The following PRKN variants were observed in gnomAD, a reference collection of about 807,000 sequenced individuals.
PRKN encodes the protein E3 ubiquitin-protein ligase parkin.
PRKN carries 56 observed loss-of-function variants against 59.5 expected under a neutral mutation model. The ratio of observed to expected loss-of-function variants is 0.94; its 90% CI spans 0.76 to 1.18. PRKN has a LOEUF of 1.18. Ranked by LOEUF, PRKN falls within the 50% of genes most tolerant of loss-of-function variation. The probability of loss-of-function intolerance (pLI) is 0.00; values close to 1 mark genes in which losing one functional copy is unlikely to be tolerated. For synonymous variants in PRKN, 250 were observed against 222.1 expected, an observed-to-expected ratio of 1.13 and a Z score of -1.12; for missense variants, 657 against 596.4, an observed-to-expected ratio of 1.10 and a Z score of -1.06.
chr6:162,066,657 A>G (rs1778352258), intron 4 of PRKN, among the ~76,000 whole-genome samples: 1 of 152,188 alleles, frequency 6.6e-6, no homozygotes, highest in Non-Finnish European at 1.5e-5. Context: ...TCAAGGTGCT[A>G]TCTTAGAAGC....
intron 1 of PRKN, among the ~76,000 whole-genome samples, chr6:162,446,740 A>T (rs1790334269): frequency 6.6e-6 from 1 of 152,192 alleles, no homozygotes; most frequent in Non-Finnish European, 1.5e-5. Flanking sequence ...TTATGTGAAA[A>T]ATGGCTAGTG....
intron 2 of PRKN, among the ~76,000 whole-genome samples, chr6:162,360,161 T>A (rs1785072788): frequency 6.6e-6 from 1 of 152,094 alleles, no homozygotes; most frequent in Admixed American, 6.6e-5. Flanking sequence ...GAAAAATTTG[T>A]TTCCTCTGTC....
At chr6:161,943,063 A>G (rs997124024) in intron 6 of PRKN, among the ~76,000 whole-genome samples, 1 of 152,220 alleles carries the variant, frequency 6.6e-6, no homozygotes, top group Non-Finnish European at 1.5e-5. Context: ...AATGATATCA[A>G]ACTTTTTTAA....
intron 3 of PRKN, among the ~76,000 whole-genome samples, chr6:162,236,735 C>T (rs1778739958): frequency 6.6e-6 from 1 of 151,730 alleles, no homozygotes; most frequent in Non-Finnish European, 1.5e-5. Context: ...GCAGAGGTTG[C>T]AGTGAGCCGA....
intron 7 of PRKN, among the ~76,000 whole-genome samples, chr6:161,754,482 G>A (rs1788828794): frequency 6.6e-6 from 1 of 152,108 alleles, no homozygotes; most frequent in Non-Finnish European, 1.5e-5. Context: ...CCATGAGGTG[G>A]GTGCTTGTGG....
chr6:161,465,613 G>A (rs1170414379), intron 9 of PRKN, among the ~76,000 whole-genome samples: 1 of 152,016 alleles, frequency 6.6e-6, no homozygotes, highest in Admixed American at 6.6e-5. Flanking sequence ...TCCATACAAT[G>A]AGGTTCCCTC....
chr6:162,352,979 A>T (rs1336681997), intron 2 of PRKN, among the ~76,000 whole-genome samples: 1 of 152,220 alleles, frequency 6.6e-6, no homozygotes, highest in Non-Finnish European at 1.5e-5. Context: ...CCTAATGAGT[A>T]AACAGAAATA....
intron 1 of PRKN, among the ~76,000 whole-genome samples, chr6:162,629,210 T>TA (rs1783009211): frequency 6.6e-6 from 1 of 152,134 alleles, no homozygotes; most frequent in Non-Finnish European, 1.5e-5. Flanking sequence ...TTTTAGTTAT[T>TA]TATAGACTAG....
intron 6 of PRKN, among the ~76,000 whole-genome samples, chr6:161,802,143 G>A (rs192824325): frequency 2.0e-4 from 30 of 152,230 alleles, no homozygotes; most frequent in African/African-American, 7.0e-4. Flanking sequence ...TGGAGGAAGA[G>A]TCATTATTCT....
At chr6:162,433,891 A>G (rs1370809205) in intron 2 of PRKN, among the ~76,000 whole-genome samples, 2 of 152,174 alleles carry the variant, frequency 1.3e-5, no homozygotes, top group Non-Finnish European at 2.9e-5. Context: ...CAAAACACAA[A>G]CATCAGTGGG....
chr6:162,684,167 C>T (rs1779878303), intron 1 of PRKN, among the ~76,000 whole-genome samples: 2 of 152,214 alleles, frequency 1.3e-5, no homozygotes, highest in South Asian at 2.1e-4. Context: ...TCATTTCAAA[C>T]ATGCAGGCTG....
rs149379304 is a variant in PRKN, at chr6:162,201,225, T to A, written c.440A>T (p.Tyr147Phe). 13 of 1,613,764 alleles carry A rather than the reference T, an allele frequency of 8.1e-6. No individual in the cohort carries two copies. Among genetic ancestry groups the A allele is most frequent in the Non-Finnish European group, 1.1e-5 (13 of 1,179,832 alleles). Reference sequence around the variant, plus strand: ...TTGACAGGGGCCTTTGCAATACACATAAAAGCTGTTGTAGATTGATCTACC... The same window carrying A: ...TTGACAGGGGCCTTTGCAATACACAAAAAAGCTGTTGTAGATTGATCTACC... ...PAGRSIYNSF[Y>F]VYCKGPCQRV... The change falls in exon 4 of 12, where the codon TAT (tyrosine) becomes TTT (phenylalanine). Residue 147 changes from tyrosine (Y) to phenylalanine (F), a missense_variant. Transcript: ENST00000366898.
At chr6:161,947,913 A>G (rs879872126) in intron 6 of PRKN, among the ~76,000 whole-genome samples, 1 of 151,360 alleles carries the variant, frequency 6.6e-6, no homozygotes, top group Admixed American at 6.6e-5. Flanking sequence ...CTCTGAAAGC[A>G]TATTTCAGGC....
intron 5 of PRKN, among the ~76,000 whole-genome samples, chr6:162,040,509 G>T (rs146531035): frequency 6.6e-6 from 1 of 150,390 alleles, no homozygotes; most frequent in Non-Finnish European, 1.5e-5. Flanking sequence ...AGGTTCAAGC[G>T]ATTCTTGTGC....
chr6:161,500,194 C>T (rs2115299667), intron 9 of PRKN, among the ~76,000 whole-genome samples: 1 of 152,308 alleles, frequency 6.6e-6, no homozygotes. Context: ...CAAAATTGAG[C>T]AGAGTACAGA....
At chr6:161,819,764 ATC>A (rs1180790170) in intron 6 of PRKN, among the ~76,000 whole-genome samples, 2 of 152,200 alleles carry the variant, frequency 1.3e-5, no homozygotes, top group African/African-American at 4.8e-5. Context: ...TTTAAAGCGA[ATC>A]TCAAAGAAAA....
chr6:161,994,467 C>G (rs1196488959), intron 5 of PRKN, among the ~76,000 whole-genome samples: 4 of 151,954 alleles, frequency 2.6e-5, no homozygotes, highest in Non-Finnish European at 1.5e-5. Context: ...ACTGAAAGTA[C>G]TAGCCAAGTC....
At chr6:162,110,075 T>C (rs2128301939) in intron 4 of PRKN, among the ~76,000 whole-genome samples, 1 of 152,312 alleles carries the variant, frequency 6.6e-6, no homozygotes, top group African/African-American at 2.4e-5. Context: ...TTTTAGTCAA[T>C]TTCAAAATTC....
At chr6:162,578,628 ACT>A (rs1359366539) in intron 1 of PRKN, among the ~76,000 whole-genome samples, 1 of 152,076 alleles carries the variant, frequency 6.6e-6, no homozygotes, top group African/African-American at 2.4e-5. Flanking sequence ...CTGATCACAC[ACT>A]CTATTTGTTC....
Sources: gnomAD v4.1 joint callset for allele counts (sites outside exome capture counted in the v4.1 genomes callset) on GRCh38, gnomAD v4.1.1 for gene constraint, MANE v1.5 for transcripts, NCBI Gene and HGNC (gene_info 2026-07-23, HGNC 2026-07-21) for gene names.